Variants in POR observed in about 807,000 individuals in gnomAD.
POR encodes the protein cytochrome p450 oxidoreductase, also known as NADPH--cytochrome P450 reductase.
POR carries 56 observed loss-of-function variants against 84.0 expected under a neutral mutation model. The observed-to-expected ratio is 0.67, with a 90% CI of 0.54 to 0.83. The LOEUF (loss-of-function observed/expected upper bound fraction) is 0.83, where lower values mean the gene tolerates loss of function less well. Among genes scored for constraint, POR ranks in the 40% least tolerant of loss-of-function variants. The pLI, the probability that POR is intolerant of heterozygous loss-of-function variation, is 0.00. For missense variants in POR, 938 were observed against 944.3 expected (o/e 0.99, Z 0.09); for synonymous variants, 414 against 400.5 (o/e 1.03, Z -0.40).
intron 2 of POR, among the ~76,000 whole-genome samples, chr7:75,962,634 G>T (rs1787989648): frequency 6.6e-6 from 1 of 152,082 alleles, no homozygotes; most frequent in Non-Finnish European, 1.5e-5. Context: ...AAGTGCACCA[G>T]TTCATGAGTC....
chr7:75,933,393 T>TG (rs1563403295), intron 1 of POR, among the ~76,000 whole-genome samples: 2 of 94,962 alleles, frequency 2.1e-5, no homozygotes, highest in African/African-American at 1.5e-4. Context: ...TTTTTTTTTT[T>TG]TTTTTTTTTT....
chr7:75,929,646 G>A (rs1807315373), intron 1 of POR, among the ~76,000 whole-genome samples: 1 of 152,182 alleles, frequency 6.6e-6, no homozygotes, highest in Non-Finnish European at 1.5e-5. Flanking sequence ...CCAATACGGT[G>A]CCCTCTGAGG....
chr7:75,982,109 T>C lies in POR; in HGVS notation c.732-115T>C, dbSNP rs1037550912. The C allele has an allele frequency of 1.3e-5, 10 of 744,382 alleles. No homozygotes were observed. The African/African-American group carries it at 1.4e-4, about 10-fold the overall frequency. The allele number at this position is 744,382 out of a possible 1,614,324, so 46.1% of individuals were successfully genotyped here. A position where few individuals can be genotyped will look rare whatever the true frequency, so the allele number is the denominator to read the frequency against. On this transcript the variant is annotated intron_variant, in intron 7 of 15. Coordinates refer to ENST00000461988, the MANE Select transcript of POR (RefSeq NM_000941.3). ...AGGGGCTCCCCTGCTTCTTGTCGTA[T>C]GTACCTGGGACCTCACCCCAAAGGC...
At chr7:75,920,925 C>T (rs1316461384) in intron 1 of POR, among the ~76,000 whole-genome samples, 9 of 152,054 alleles carry the variant, frequency 5.9e-5, no homozygotes, top group Non-Finnish European at 8.8e-5. Context: ...AGGAATGTTC[C>T]GTCAGGTATT....
chr7:75,964,303 G>A (rs1374865704), intron 2 of POR, among the ~76,000 whole-genome samples: 3 of 150,710 alleles, frequency 2.0e-5, no homozygotes, highest in African/African-American at 4.9e-5. Flanking sequence ...CCCAGCCTAA[G>A]CATTTTTCTT....
At chr7:75,949,082 G>A (rs1554552424) in intron 1 of POR, among the ~76,000 whole-genome samples, 1 of 152,148 alleles carries the variant, frequency 6.6e-6, no homozygotes, top group African/African-American at 2.4e-5. Flanking sequence ...TGGTGGGAGT[G>A]GGTTCTGAGG....
At chr7:75,980,854 G>C in intron 5 of POR, 194 bp from the exon 6 acceptor site, 1 of 1,097,024 alleles carries the variant, frequency 9.1e-7, no homozygotes, top group Non-Finnish European at 1.3e-6. Flanking sequence ...CAGGCTGTGG[G>C]CTGCAGGTCA....
At chr7:75,968,405 C>T in intron 2 of POR, 1 of 394,436 alleles carries the variant, frequency 2.5e-6, no homozygotes, top group African/African-American at 2.1e-5. Context: ...GGAATTTGGA[C>T]TGGAGACCAG....
Position 75,986,028 on chromosome 7 carries a change from C to T in POR, c.1775C>T (p.Thr592Ile), listed in dbSNP as rs782652639. ...CAGTTCCACAGGGACGGTGCGCTCA[C>T]CCAGCTCAACGTGGCCTTCTCCCGG... Residue 592 changes from threonine (T) to isoleucine (I), a missense_variant, in exon 14 of 16, where the codon ACC becomes ATC. Physicochemically the swap from Thr to Ile is moderately conservative, Grantham distance 89. Transcript: ENST00000461988. The T allele has an allele frequency of 1.3e-6, 2 of 1,561,754 alleles. No homozygotes were observed. The highest frequency in any genetic ancestry group is 1.7e-4 in the Middle Eastern group (1 of 5,992).
rs369181144 is a variant in POR at position 75,986,219 on chromosome 7, G to T, written c.1876G>T (p.Gly626Cys). 1 of 1,612,620 alleles carries T rather than the reference G, an allele frequency of 6.2e-7. No homozygotes were observed. Among genetic ancestry groups the T allele is most frequent in the Admixed American group, 1.7e-5 (1 of 59,978 alleles). The change falls in exon 15 of 16, where the codon GGT becomes TGT. Residue 626 changes from glycine to cysteine, a missense_variant. Gly to Cys is a radical substitution (Grantham distance 159). Coordinates refer to ENST00000461988, the MANE Select transcript of POR (RefSeq NM_000941.3). ...GCACCTGTGGAAGTTGATCGAAGGC[G>T]GTGCCCACATCTACGTCTGTGGGTG... is the stretch of plus-strand genomic sequence containing the variant.
In POR at chr7:75,929,795, C is replaced by T. The variant is rs143298144; in HGVS notation, c.-5+14616C>T. Among the ~76,000 whole-genome samples the T allele has an allele frequency of 6.9e-4, 105 of 152,290 alleles. No individual in the cohort carries two copies. The Middle Eastern group carries it at 0.01, about 15-fold the overall frequency. On this transcript the variant is annotated intron_variant, in intron 1 of 15. Transcript: ENST00000461988. ...ATACCTGTTCTGTGGGTGAAGCTGT[C>T]GCCCAGAGCACCCCCTGTGACTCCG... is the stretch of plus-strand genomic sequence containing the variant.
chr7:75,978,626 C>T (rs781980889), intron 3 of POR, among the ~76,000 whole-genome samples: 6 of 152,170 alleles, frequency 3.9e-5, no homozygotes, highest in Admixed American at 6.5e-5. Context: ...CAGGTCCAAG[C>T]GATTCTCCTG....
Position 75,934,998 on chromosome 7 carries a change from G to A in POR, c.-4-18991G>A, listed in dbSNP as rs144717830. Among the ~76,000 whole-genome samples, 1,010 of 152,276 alleles carry A rather than the reference G, an allele frequency of 6.6e-3. 8 individuals are homozygous for A. Among genetic ancestry groups the A allele is most frequent in the African/African-American group, 0.02 (842 of 41,548 alleles). ...AGAGTTCTCACTGGGGCACTGCCTA[G>A]TGGAGCTGTGGGAAGGGGGCCACTG... On this transcript the variant is annotated intron_variant, in intron 1 of 15. Coordinates refer to ENST00000461988, the MANE Select transcript of POR (RefSeq NM_000941.3).
chr7:75,984,815 T>C lies in POR; in HGVS notation c.1105T>C (p.Ser369Pro). 3 of 1,612,544 alleles carry C rather than the reference T, an allele frequency of 1.9e-6. No individual in the cohort carries two copies. The highest frequency in any genetic ancestry group is 2.5e-6 in the Non-Finnish European group (3 of 1,179,782). Residue 369 changes from serine (S) to proline (P), a missense_variant, in exon 11 of 16, where the codon TCC (serine) becomes CCC (proline). Coordinates refer to ENST00000461988, the MANE Select transcript of POR (RefSeq NM_000941.3). ...GAAGCACCCATTCCCGTGCCCTACG[T>C]CCTACCGCACGGCCCTCACCTACTA...
chr7:75,985,139 A>G lies in POR; in HGVS notation c.1330A>G (p.Ile444Val), dbSNP rs1554558908. 7 of 1,599,670 alleles carry G rather than the reference A, an allele frequency of 4.4e-6. No individual in the cohort carries two copies. The South Asian group carries it at 5.5e-5, about 13-fold the overall frequency. The change falls in exon 12 of 16, where the codon ATC (isoleucine) becomes GTC (valine). Residue 444 changes from isoleucine to valine, a missense_variant. Coordinates refer to ENST00000461988, the MANE Select transcript of POR (RefSeq NM_000941.3). ...GGACTGCCCGTCCCTGCGGCCCCCC[A>G]TCGACCACCTGTGTGAGCTGCTGCC...
intron 1 of POR, among the ~76,000 whole-genome samples, chr7:75,938,479 C>T (rs1390155984): frequency 2.0e-5 from 3 of 152,240 alleles, no homozygotes; most frequent in Admixed American, 6.5e-5. Flanking sequence ...TTATCTCGGC[C>T]GAGTGTGGTG....
chr7:75,940,514 G>C (rs1554551378), intron 1 of POR, among the ~76,000 whole-genome samples: 1 of 149,470 alleles, frequency 6.7e-6, no homozygotes, highest in Non-Finnish European at 1.5e-5. Context: ...GCCGGGTGCA[G>C]TGGCTCACAC....
rs1554558547 is a variant in POR, at chr7:75,983,799, C to G, written c.1009C>G (p.Leu337Val). Residue 337 changes from leucine to valine, a missense_variant, in exon 10 of 16, where the codon CTG (leucine) becomes GTG (valine). Transcript: ENST00000461988. Reference sequence around the variant, plus strand: ...CAACGACTCTGCTCTCGTCAACCAGCTGGGCAAAATCCTGGGTGCCGACCT... The same window carrying G: ...CAACGACTCTGCTCTCGTCAACCAGGTGGGCAAAATCCTGGGTGCCGACCT... 1 of 1,612,370 alleles carries G rather than the reference C, an allele frequency of 6.2e-7. No individual in the cohort carries two copies. The highest frequency in any genetic ancestry group is 8.5e-7 in the Non-Finnish European group (1 of 1,179,722).
intron 1 of POR, among the ~76,000 whole-genome samples, chr7:75,949,398 C>T (rs1487938518): frequency 6.6e-6 from 1 of 152,078 alleles, no homozygotes; most frequent in African/African-American, 2.4e-5. Flanking sequence ...TCGTGATCCA[C>T]CCGCCTCGGC....
Sources: allele counts gnomAD v4.1 joint callset (sites outside exome capture counted in the v4.1 genomes callset), GRCh38; gene constraint gnomAD v4.1.1; transcripts MANE v1.5; gene names NCBI Gene and HGNC (gene_info 2026-07-23, HGNC 2026-07-21).